Variants in TXK observed in about 807,000 individuals in gnomAD.
TXK encodes tyrosine-protein kinase TXK.
TXK carries 60 observed loss-of-function variants against 81.0 expected under a neutral mutation model. The ratio of observed to expected loss-of-function variants is 0.74; its 90% CI spans 0.60 to 0.92. The LOEUF is 0.92. Ranked by LOEUF, TXK falls within the 40% of genes least tolerant of loss-of-function variation. The probability of loss-of-function intolerance (pLI) is 0.00; values close to 1 mark genes in which losing one functional copy is unlikely to be tolerated. For synonymous variants in TXK, 203 were observed against 210.7 expected (o/e 0.96, Z 0.32); for missense variants, 581 against 638.3 (o/e 0.91, Z 0.97).
intron 14 of TXK, among the ~76,000 whole-genome samples, 165 bp from the exon 15 acceptor site, chr4:48,067,870 C>T (rs766757985): frequency 4.6e-5 from 7 of 152,136 alleles, no homozygotes; most frequent in African/African-American, 9.7e-5. Context: ...TTGCCACCTG[C>T]GGCATAAATA....
At chr4:48,068,088 C>T (rs560938813) in intron 14 of TXK, among the ~76,000 whole-genome samples, 295 of 152,152 alleles carry the variant, frequency 1.9e-3, no homozygotes, top group Non-Finnish European at 3.1e-3. Context: ...CCACATGTGG[C>T]TATTTAAATT....
chr4:48,095,913 GT>G (rs1272856986), intron 6 of TXK, among the ~76,000 whole-genome samples: 12 of 152,116 alleles, frequency 7.9e-5, no homozygotes, highest in African/African-American at 2.9e-4. Context: ...GTTTAGATTC[GT>G]TTGTTTGATA....
chr4:48,132,807 A>G (rs562975251), intron 1 of TXK, among the ~76,000 whole-genome samples: 9 of 152,092 alleles, frequency 5.9e-5, no homozygotes, highest in African/African-American at 2.2e-4. Context: ...CTAGCCAGGC[A>G]TGGTGGCATG....
intron 2 of TXK, 35 bp from the exon 3 acceptor site, chr4:48,113,344 A>C: frequency 6.5e-7 from 1 of 1,539,516 alleles, no homozygotes; most frequent in Non-Finnish European, 8.9e-7. Flanking sequence ...ACAAATAATT[A>C]TTTGTACAAA....
chr4:48,102,730 T>A (rs574150616), intron 6 of TXK, among the ~76,000 whole-genome samples: 1 of 152,204 alleles, frequency 6.6e-6, no homozygotes, highest in Non-Finnish European at 1.5e-5. Flanking sequence ...CCACATTGAA[T>A]ACAATTTTAT....
chr4:48,119,946 A>G (rs1718902396), intron 1 of TXK, among the ~76,000 whole-genome samples: 1 of 152,188 alleles, frequency 6.6e-6, no homozygotes. Context: ...GTAGGTCAGA[A>G]TAGAGTGTAG....
At chr4:48,101,047 G>A (rs1237532740) in intron 6 of TXK, among the ~76,000 whole-genome samples, 1 of 152,046 alleles carries the variant, frequency 6.6e-6, no homozygotes, top group Non-Finnish European at 1.5e-5. Context: ...ACTAATAGTA[G>A]TTTTTCTGTG....
chr4:48,077,988 A>G (rs552062315), intron 11 of TXK, among the ~76,000 whole-genome samples: 2 of 152,282 alleles, frequency 1.3e-5, no homozygotes, highest in Admixed American at 1.3e-4. Context: ...CATCAGGGGA[A>G]TTTTCAAAAA....
At chr4:48,081,377 C>T (rs987687732) in intron 10 of TXK, among the ~76,000 whole-genome samples, 5 of 152,074 alleles carry the variant, frequency 3.3e-5, no homozygotes, top group Admixed American at 6.5e-5. Context: ...AACAAACTCT[C>T]GCATGTGATT....
At chr4:48,108,125 G>A (rs1718522047) in intron 5 of TXK, among the ~76,000 whole-genome samples, 1 of 152,060 alleles carries the variant, frequency 6.6e-6, no homozygotes, top group South Asian at 2.1e-4. Context: ...ACTTAGGGTT[G>A]TTTAATGTCT....
chr4:48,128,561 CTTTTTT>C (rs58431850), intron 1 of TXK, among the ~76,000 whole-genome samples: 6 of 85,296 alleles, frequency 7.0e-5, no homozygotes, highest in Admixed American at 1.7e-4. Context: ...CCACTACATC[CTTTTTT>C]TTTTTTTTTT....
chr4:48,067,444 C>G lies in TXK; in HGVS notation c.*193G>C, dbSNP rs1716649452. The G allele has an allele frequency of 1.7e-6, 1 of 584,462 alleles. No homozygotes were observed. The highest frequency in any genetic ancestry group is 1.9e-5 in the African/African-American group (1 of 53,564). 36.2% of individuals were successfully genotyped at this position (584,462 alleles called of 1,614,324 possible). A position where few individuals can be genotyped will look rare whatever the true frequency, so the allele number is the denominator to read the frequency against. On this transcript the variant is annotated 3_prime_UTR_variant, in exon 15 of 15. Coordinates refer to ENST00000264316, the MANE Select transcript of TXK (RefSeq NM_003328.3). ...AAAATAAGAGTGTGCAAATCCCTCTCACACATAGAAAAACGATTGTGTGAA... is the reference window on the plus strand; with the variant it reads ...AAAATAAGAGTGTGCAAATCCCTCTGACACATAGAAAAACGATTGTGTGAA...
intron 6 of TXK, among the ~76,000 whole-genome samples, chr4:48,103,452 G>C (rs1416627695): frequency 6.6e-6 from 1 of 152,232 alleles, no homozygotes; most frequent in East Asian, 1.9e-4. Context: ...ACCTGAGGAT[G>C]GGCCTGTGTC....
chr4:48,098,077 T>C (rs965164288), intron 6 of TXK, among the ~76,000 whole-genome samples: 16 of 151,980 alleles, frequency 1.1e-4, no homozygotes, highest in Non-Finnish European at 2.1e-4. Context: ...AGTACTATAG[T>C]CACACATTAC....
chr4:48,112,460 G>T lies in TXK; in HGVS notation c.227C>A (p.Pro76Gln), dbSNP rs201881573. ...CTTCTCTTCAGCAACCTCAGAGGGT[G>T]GGAGGGGAGGCAGTGGCTTTCGTTT... The part of the protein sequence containing the change: ...PSKRKPLPPL[P>Q]PSEVAEEKIQ... Residue 76 changes from proline to glutamine, a missense_variant, in exon 4 of 15, where the codon CCA (proline) becomes CAA (glutamine). Coordinates refer to ENST00000264316, the MANE Select transcript of TXK (RefSeq NM_003328.3). 12 of 1,614,060 alleles carry T rather than the reference G, an allele frequency of 7.4e-6. No individual in the cohort carries two copies. The highest frequency in any genetic ancestry group is 1.0e-5 in the Non-Finnish European group (12 of 1,180,012).
chr4:48,131,960 T>G (rs1719256352), intron 1 of TXK, among the ~76,000 whole-genome samples: 1 of 152,104 alleles, frequency 6.6e-6, no homozygotes. Flanking sequence ...CCTATATTTC[T>G]GTTTACAGGA....
In TXK at chr4:48,087,157, C is replaced by A. The variant is rs1297651428; in HGVS notation, c.785-520G>T. 5.9e-5 allele frequency among the ~76,000 whole-genome samples: 9 copies of A among 152,268 alleles called. No homozygotes were observed. In the East Asian group the frequency reaches 1.7e-3, roughly 29 times the overall value. On this transcript the variant is annotated intron_variant, in intron 9 of 14. Transcript: ENST00000264316. Reference sequence around the variant, plus strand: ...AACAAATTCAGTGTTAGAAATCTAACCCACATATATCTAAGAGTATAGCTG... The same window carrying A: ...AACAAATTCAGTGTTAGAAATCTAAACCACATATATCTAAGAGTATAGCTG...
chr4:48,111,531 C>T (rs778254695), intron 4 of TXK, among the ~76,000 whole-genome samples: 12 of 152,146 alleles, frequency 7.9e-5, no homozygotes, highest in Admixed American at 7.9e-4. Flanking sequence ...ATAGTATACC[C>T]GCAGGTGTGG....
intron 9 of TXK, among the ~76,000 whole-genome samples, chr4:48,087,638 T>C (rs1274738642): frequency 6.6e-6 from 1 of 152,118 alleles, no homozygotes; most frequent in Non-Finnish European, 1.5e-5. Flanking sequence ...TTTCACCATG[T>C]TGCCTAGCCT....
Sources: allele counts gnomAD v4.1 joint callset (sites outside exome capture counted in the v4.1 genomes callset), GRCh38; gene constraint gnomAD v4.1.1; transcripts MANE v1.5; gene names NCBI Gene and HGNC (gene_info 2026-07-23, HGNC 2026-07-21).